RIPK4: variants seen among roughly 807,000 people sequenced by gnomAD.
RIPK4 encodes receptor interacting serine/threonine kinase 4.
RIPK4 carries 17 observed loss-of-function variants against 42.9 expected under a neutral mutation model. The ratio of observed to expected loss-of-function variants is 0.40; its 90% CI spans 0.27 to 0.59. The LOEUF is 0.59. RIPK4 is among the 20% of genes least tolerant of loss of function. The probability of loss-of-function intolerance (pLI) is 0.47; values close to 1 mark genes in which losing one functional copy is unlikely to be tolerated. For missense variants in RIPK4, 897 were observed against 1,104.4 expected (o/e 0.81, Z 2.66); for synonymous variants, 498 against 499.1 (o/e 1.00, Z 0.03).
chr21:41,752,167 T>C (rs1014061944), intron 2 of RIPK4, among the ~76,000 whole-genome samples: 4 of 152,220 alleles, frequency 2.6e-5, no homozygotes, highest in Admixed American at 6.5e-5. Context: ...TCAGCATTAA[T>C]GGGACTCTTG....
intron 1 of RIPK4, among the ~76,000 whole-genome samples, chr21:41,761,313 G>A (rs2061219635): frequency 6.6e-6 from 1 of 152,238 alleles, no homozygotes. Context: ...GTTATTTAAA[G>A]GAATACCAGC....
intron 6 of RIPK4, among the ~76,000 whole-genome samples, chr21:41,745,254 C>T (rs1455624002): frequency 6.6e-6 from 1 of 152,232 alleles, no homozygotes; most frequent in East Asian, 1.9e-4. Flanking sequence ...ATAAAGCTCA[C>T]TTATCAGCTG....
Position 41,756,604 on chromosome 21 carries a change from A to G in RIPK4, c.395T>C (p.Leu132Pro). ...IHETAVGMNF[L>P]HCMAPPLLHL... The stretch of plus-strand genomic sequence containing the variant: ...CAGGAGTGGCGGGGCCATGCAGTGC[A>G]GGAAGTTCATGCCCACCGCCGTCTC... The change falls in exon 2 of 8, where the codon CTG becomes CCG. Residue 132 changes from leucine (L) to proline (P), a missense_variant. Coordinates refer to ENST00000332512, the MANE Select transcript of RIPK4 (RefSeq NM_020639.3). 2 of 1,613,734 alleles carry G rather than the reference A, an allele frequency of 1.2e-6. No homozygotes were observed. Among genetic ancestry groups the G allele is most frequent in the Non-Finnish European group, 1.7e-6 (2 of 1,180,002 alleles).
intron 1 of RIPK4, among the ~76,000 whole-genome samples, chr21:41,762,539 C>G (rs536757240): frequency 3.3e-5 from 5 of 152,184 alleles, no homozygotes; most frequent in African/African-American, 9.7e-5. Context: ...TGTCGCCCGG[C>G]GGCATTTGCA....
chr21:41,746,861 C>T, intron 4 of RIPK4, 90 bp from the exon 5 acceptor site: 1 of 1,420,160 alleles, frequency 7.0e-7, no homozygotes, highest in Non-Finnish European at 9.5e-7. Flanking sequence ...CGCCGGGGGC[C>T]ACAATGGGGC....
Position 41,751,837 on chromosome 21 carries a change from C to T in RIPK4, c.475-592G>A, listed in dbSNP as rs2061189430. On this transcript the variant is annotated intron_variant, in intron 2 of 7. Transcript: ENST00000332512. The surrounding 1 kb of genome is among the most constrained non-coding windows in gnomAD (Gnocchi z 4.5). Reference sequence around the variant, plus strand: ...TCCATCTGGAGTGTTTTGTGATCAGCAGACACTGGCTGGCTGCTTCAAACA... The same window carrying T: ...TCCATCTGGAGTGTTTTGTGATCAGTAGACACTGGCTGGCTGCTTCAAACA... 6.6e-6 allele frequency among the ~76,000 whole-genome samples: 1 copy of T among 152,254 alleles called. No individual in the cohort carries two copies. Among genetic ancestry groups the T allele is most frequent in the African/African-American group, 2.4e-5 (1 of 41,468 alleles).
Position 41,742,049 on chromosome 21 carries a change from G to A in RIPK4, c.1196-52C>T, listed in dbSNP as rs1208797867. On this transcript the variant is annotated intron_variant, in intron 7 of 7. Coordinates refer to ENST00000332512, the MANE Select transcript of RIPK4 (RefSeq NM_020639.3). This position sits in a 1 kb window ranked among gnomAD's most constrained non-coding sequence, Gnocchi z 5.1. Reference sequence around the variant, plus strand: ...AGAGCGTGGCTGCACATCCAGGGACGTGGCGTCTCTGGGAGCCTGGCTGTG... The same window carrying A: ...AGAGCGTGGCTGCACATCCAGGGACATGGCGTCTCTGGGAGCCTGGCTGTG... 3.4e-6 allele frequency: 5 copies of A among 1,484,870 alleles called. No homozygotes were observed. The highest frequency in any genetic ancestry group is 2.3e-5 in the East Asian group (1 of 43,838). The allele number at this position is 1,484,870 out of a possible 1,614,324, so 92.0% of individuals were successfully genotyped here.
chr21:41,746,358 T>TTACCC (rs1486195412), intron 5 of RIPK4, among the ~76,000 whole-genome samples: 6 of 152,200 alleles, frequency 3.9e-5, no homozygotes, highest in African/African-American at 1.4e-4. Context: ...CTCCTCTGGG[T>TTACCC]GGCAAGCCCA....
At chr21:41,744,800 G>C (rs1319010576) in intron 6 of RIPK4, among the ~76,000 whole-genome samples, 3 of 152,180 alleles carry the variant, frequency 2.0e-5, no homozygotes, top group African/African-American at 7.2e-5. Flanking sequence ...GTGGGGACGA[G>C]GGAAAGGGGA....
chr21:41,744,245 G>T (rs2061163705), intron 6 of RIPK4, 105 bp from the exon 7 acceptor site: 1 of 1,148,914 alleles, frequency 8.7e-7, no homozygotes, highest in Non-Finnish European at 1.2e-6. Context: ...GGAGGGAGAT[G>T]GGGGAGGAAA....
intron 1 of RIPK4, among the ~76,000 whole-genome samples, chr21:41,758,041 T>TATATATAGAGAG (rs1452050960): frequency 1.2e-4 from 7 of 58,484 alleles, no homozygotes; most frequent in African/African-American, 2.0e-4. Context: ...TATATATATA[T>TATATATAGAGAG]AGAGAGAGAG....
Position 41,756,852 on chromosome 21 carries a change from G to T in RIPK4, c.183-36C>A, listed in dbSNP as rs753483985. The T allele has an allele frequency of 4.2e-5, 67 of 1,592,080 alleles. No homozygotes were observed. In the East Asian group the frequency reaches 1.5e-3, roughly 36 times the overall value. The stretch of plus-strand genomic sequence containing the variant: ...TCAAAGGCATGAAGAATACGCAATG[G>T]TCACTCAGCCACAAACATGGAACAG... On this transcript the variant is annotated intron_variant, in intron 1 of 7. Transcript: ENST00000332512.
chr21:41,743,012 A>G (rs749250489), intron 7 of RIPK4, among the ~76,000 whole-genome samples: 5 of 152,080 alleles, frequency 3.3e-5, no homozygotes, highest in African/African-American at 7.2e-5. Flanking sequence ...TTTGCCCCCA[A>G]TATTCTAATC....
Position 41,741,437 on chromosome 21 carries a change from C to A in RIPK4, c.1756G>T (p.Val586Phe), listed in dbSNP as rs145580948. The stretch of plus-strand genomic sequence containing the variant: ...CCCGGCTGCTTGGCCAGCAGCTTGA[C>A]GATGGGCAGGTGGCCCTGCCAGGCA... ...YAAWQGHLPIVKLLAKQPGVS... is the reference protein window; with the variant it reads ...YAAWQGHLPIFKLLAKQPGVS... Residue 586 changes from valine (V) to phenylalanine (F), a missense_variant, in exon 8 of 8, where the codon GTC (valine) becomes TTC (phenylalanine). Physicochemically the swap from Val to Phe is conservative, Grantham distance 50 (BLOSUM62 -1). Coordinates refer to ENST00000332512, the MANE Select transcript of RIPK4 (RefSeq NM_020639.3). The A allele has an allele frequency of 3.3e-5, 53 of 1,612,766 alleles. No individual in the cohort carries two copies. Among genetic ancestry groups the A allele is most frequent in the Non-Finnish European group, 4.3e-5 (51 of 1,179,946 alleles).
rs1403650613 is a variant in RIPK4, at chr21:41,766,985, C to T, written c.57G>A (p.Ala19=). 6.2e-7 allele frequency: 1 copy of T among 1,604,476 alleles called. No individual in the cohort carries two copies. Among genetic ancestry groups the T allele is most frequent in the Middle Eastern group, 1.7e-4 (1 of 6,016 alleles). ...WALALLRTFD[A]GEFTGWEKVG... ...CCTTCTCCCAGCCCGTGAACTCGCC[C>T]GCGTCGAAGGTGCGCAGCAGCGCCA... The change falls in exon 1 of 8, where the codon GCG becomes GCA. Residue 19 remains alanine, a synonymous_variant. Transcript: ENST00000332512.
chr21:41,741,889 A>G lies in RIPK4; in HGVS notation c.1304T>C (p.Leu435Pro), dbSNP rs1370775578. ...GTGCAGCAGGCTGGCACCGCTGTCC[A>G]GTGCCAGGTCCACGTCCTGCGGCTG... ...ILQPQDVDLA[L>P]DSGASLLHLA... Residue 435 changes from leucine to proline, a missense_variant, in exon 8 of 8, where the codon CTG becomes CCG. Transcript: ENST00000332512. The G allele has an allele frequency of 6.2e-7, 1 of 1,613,610 alleles. No homozygotes were observed. The highest frequency in any genetic ancestry group is 8.5e-7 in the Non-Finnish European group (1 of 1,179,980).
At position 41,740,690 on chromosome 21, in the gene RIPK4, C is replaced by A. The variant is rs2061149762; in HGVS notation, c.*148G>T. 1 of 789,192 alleles carries A rather than the reference C, an allele frequency of 1.3e-6. No homozygotes were observed. The highest frequency in any genetic ancestry group is 3.0e-5 in the Admixed American group (1 of 33,230). The allele number at this position is 789,192 out of a possible 1,614,324, so 48.9% of individuals were successfully genotyped here. A position where few individuals can be genotyped will look rare whatever the true frequency, so the allele number is the denominator to read the frequency against. ...GAGGGGACACTCCGGTCAGCAGCAG[C>A]CGCCTCCTGATGGCACCATGTCACC... is the stretch of plus-strand genomic sequence containing the variant. On this transcript the variant is annotated 3_prime_UTR_variant, in exon 8 of 8. Transcript: ENST00000332512.
At chr21:41,743,611 C>T (rs945227739) in intron 7 of RIPK4, among the ~76,000 whole-genome samples, 3 of 152,196 alleles carry the variant, frequency 2.0e-5, no homozygotes, top group Admixed American at 1.3e-4. Flanking sequence ...AATCTGTAGA[C>T]CTGAGGTCAG....
Position 41,741,828 on chromosome 21 carries a change from C to T in RIPK4, c.1365G>A (p.Lys455=). 1 of 1,612,180 alleles carries T rather than the reference C, an allele frequency of 6.2e-7. No individual in the cohort carries two copies. Among genetic ancestry groups the T allele is most frequent in the East Asian group, 2.2e-5 (1 of 44,886 alleles). ...AVEAGQEECA[K]WLLLNNANPN... Reference sequence around the variant, plus strand: ...GGTTGGCATTGTTGAGCAGCAGCCACTTGGCGCACTCCTCTTGCCCGGCCT... The same window carrying T: ...GGTTGGCATTGTTGAGCAGCAGCCATTTGGCGCACTCCTCTTGCCCGGCCT... The change falls in exon 8 of 8, where the codon AAG becomes AAA. Residue 455 remains lysine (K), a synonymous_variant. Transcript: ENST00000332512.
Sources: gnomAD v4.1 joint callset for allele counts (sites outside exome capture counted in the v4.1 genomes callset) on GRCh38, gnomAD v4.1.1 for gene constraint, Gnocchi (gnomAD v3.1) non-coding constraint, MANE v1.5 for transcripts, NCBI Gene and HGNC (gene_info 2026-07-23, HGNC 2026-07-21) for gene names.